TRIM15: variants seen among roughly 807,000 people sequenced by gnomAD.
TRIM15 encodes the protein E3 ubiquitin-protein ligase TRIM15.
A neutral mutation model predicts 35.8 loss-of-function variants in TRIM15; 35 were observed. That is an observed-to-expected ratio of 0.98 (90% CI 0.75 to 1.30). The LOEUF (loss-of-function observed/expected upper bound fraction) is 1.30, where lower values mean the gene tolerates loss of function less well. Ranked by LOEUF, TRIM15 falls within the 50% of genes most tolerant of loss-of-function variation. The probability of loss-of-function intolerance (pLI) is 0.00; values close to 1 mark genes in which losing one functional copy is unlikely to be tolerated. For missense variants in TRIM15, 590 were observed against 593.5 expected (o/e 0.99, Z 0.06); for synonymous variants, 252 against 249.8 (o/e 1.01, Z -0.08).
In TRIM15 at chr6:30,164,035, G is replaced by T. The variant is rs966882933; in HGVS notation, c.351G>T (p.Gly117=). Residue 117 remains glycine (G), a synonymous_variant, in exon 1 of 7, where the codon GGG becomes GGT. Transcript: ENST00000376694. ...EGPTHQAHTV[G]FLDEAIQPYR... ...CCACGCACCAGGCGCACACCGTGGGGTTCCTGGACGAGGCCATTCAGCCCT... is the reference window on the plus strand; with the variant it reads ...CCACGCACCAGGCGCACACCGTGGGTTTCCTGGACGAGGCCATTCAGCCCT... 2 of 1,612,814 alleles carry T rather than the reference G, an allele frequency of 1.2e-6. No individual in the cohort carries two copies. The highest frequency in any genetic ancestry group is 1.7e-6 in the Non-Finnish European group (2 of 1,179,842).
At chr6:30,164,191 T>G (rs946552379) in intron 1 of TRIM15, 126 bp downstream of exon 1, 6 of 1,349,582 alleles carry the variant, frequency 4.4e-6, no homozygotes, top group African/African-American at 1.5e-5. Flanking sequence ...TTACAGGGAC[T>G]TTCGAGGCAT....
At position 30,172,466 on chromosome 6, in the gene TRIM15, G is replaced by A; in HGVS notation, c.*117G>A. ...TGCCCGCGTGAGGCGAGAGAACAGG[G>A]GACTTGAGTCTCGAACAGCGGTTGT... On this transcript the variant is annotated 3_prime_UTR_variant, in exon 7 of 7. Transcript: ENST00000376694. 7.0e-7 allele frequency: 1 copy of A among 1,428,614 alleles called. No homozygotes were observed. The highest frequency in any genetic ancestry group is 1.4e-5 in the African/African-American group (1 of 70,130). The allele number at this position is 1,428,614 out of a possible 1,614,324, so 88.5% of individuals were successfully genotyped here.
At position 30,172,162 on chromosome 6, in the gene TRIM15, C is replaced by T; in HGVS notation, c.1211C>T (p.Thr404Ile). ...TGCTGGGCCAGCACCTCCCCGGGCA[C>T]CGACCTGCCGCTGAGCGAGATCCCG... is the stretch of plus-strand genomic sequence containing the variant. ...QQCWASTSPG[T>I]DLPLSEIPRG... Residue 404 changes from threonine (T) to isoleucine (I), a missense_variant, in exon 7 of 7, where the codon ACC becomes ATC. Transcript: ENST00000376694. The T allele has an allele frequency of 6.3e-7, 1 of 1,596,732 alleles. No individual in the cohort carries two copies. The highest frequency in any genetic ancestry group is 1.7e-4 in the Middle Eastern group (1 of 6,034).
intron 1 of TRIM15, 59 bp downstream of exon 1, chr6:30,164,124 G>A (rs972425353): frequency 1.3e-6 from 2 of 1,549,230 alleles, no homozygotes; most frequent in Middle Eastern, 1.8e-4. Context: ...CTGTTATGAG[G>A]GGAGGAAATC....
chr6:30,167,092 A>T (rs1421240401), intron 1 of TRIM15, 84 bp from the exon 2 acceptor site: 3 of 1,247,058 alleles, frequency 2.4e-6, no homozygotes, highest in Non-Finnish European at 3.5e-6. Flanking sequence ...AGCACTCAAC[A>T]GTGTGCCCAG....
chr6:30,168,546 C>T lies in TRIM15; in HGVS notation c.708+16C>T. On this transcript the variant is annotated intron_variant, in intron 3 of 6. Coordinates refer to ENST00000376694, the MANE Select transcript of TRIM15 (RefSeq NM_033229.3). ...GCTTCTACAAGTGAGAGACACTTCA[C>T]CACTTTGTAGGATAAGAGAGGGACT... 1.3e-6 allele frequency: 2 copies of T among 1,565,404 alleles called. No individual in the cohort carries two copies. Among genetic ancestry groups the T allele is most frequent in the Non-Finnish European group, 1.7e-6 (2 of 1,153,518 alleles).
In TRIM15 at chr6:30,163,571, T is replaced by TCTC; in HGVS notation, c.-114_-113insCTC. 4 of 1,313,096 alleles carry TCTC rather than the reference T, an allele frequency of 3.0e-6. No individual in the cohort carries two copies. Among genetic ancestry groups the TCTC allele is most frequent in the East Asian group, 2.4e-5 (1 of 41,116 alleles). 81.3% of individuals were successfully genotyped at this position (1,313,096 alleles called of 1,614,324 possible). On this transcript the variant is annotated 5_prime_UTR_variant, in exon 1 of 7. Transcript: ENST00000376694. ...CTCTCTCTTTCTCTCTCTCTGTCTC[T>TCTC]TAGCCTTGCAGCCGTTTCCCTCTGC... is the stretch of plus-strand genomic sequence containing the variant.
rs768131173 is a variant in TRIM15 at position 30,172,100 on chromosome 6, G to A, written c.1149G>A (p.Glu383=). ...RRKGEMGLSA[E]DGVWAVIISH... ...AGGGAGAGATGGGACTCAGCGCCGA[G>A]GACGGCGTCTGGGCCGTGATCATCT... The change falls in exon 7 of 7, where the codon GAG becomes GAA. Residue 383 remains glutamate (E), a synonymous_variant. Transcript: ENST00000376694. The A allele has an allele frequency of 6.3e-7, 1 of 1,578,020 alleles. No homozygotes were observed. Among genetic ancestry groups the A allele is most frequent in the Admixed American group, 1.8e-5 (1 of 54,286 alleles).
chr6:30,170,914 CT>C (rs1773968128), intron 5 of TRIM15, 61 bp from the exon 6 acceptor site: 4 of 1,574,152 alleles, frequency 2.5e-6, no homozygotes, highest in South Asian at 1.2e-5. Flanking sequence ...CACCTTGCCC[CT>C]GGGGGTGCCT....
At chr6:30,169,301 AC>A in intron 4 of TRIM15, 38 bp downstream of exon 4, 1 of 1,612,870 alleles carries the variant, frequency 6.2e-7, no homozygotes, top group African/African-American at 1.3e-5. Context: ...CTTTTACTCA[AC>A]ATCAAGACTG....
At chr6:30,164,346 G>T (rs935435542) in intron 1 of TRIM15, among the ~76,000 whole-genome samples, 3 of 152,162 alleles carry the variant, frequency 2.0e-5, no homozygotes, top group African/African-American at 7.2e-5. Flanking sequence ...TGGAAAGAAA[G>T]CTCCAATGCC....
rs1265120634 is a variant in TRIM15 at position 30,172,203 on chromosome 6, G to A, written c.1252G>A (p.Ala418Thr). Residue 418 changes from alanine to threonine, a missense_variant, in exon 7 of 7, where the codon GCC (alanine) becomes ACC (threonine). Transcript: ENST00000376694. ...LSEIPRGVRV[A>T]LDYEAGQVTL... ...CGAGATCCCGCGCGGCGTGAGAGTC[G>A]CCCTGGACTACGAGGCGGGGCAGGT... is the stretch of plus-strand genomic sequence containing the variant. 1.9e-6 allele frequency: 3 copies of A among 1,610,650 alleles called. No individual in the cohort carries two copies. The highest frequency in any genetic ancestry group is 2.5e-6 in the Non-Finnish European group (3 of 1,179,092).
At position 30,172,467 on chromosome 6, in the gene TRIM15, G is replaced by A; in HGVS notation, c.*118G>A. The A allele has an allele frequency of 7.1e-7, 1 of 1,416,322 alleles. No individual in the cohort carries two copies. The highest frequency in any genetic ancestry group is 9.6e-7 in the Non-Finnish European group (1 of 1,045,468). 87.7% of individuals were successfully genotyped at this position (1,416,322 alleles called of 1,614,324 possible). On this transcript the variant is annotated 3_prime_UTR_variant, in exon 7 of 7. Coordinates refer to ENST00000376694, the MANE Select transcript of TRIM15 (RefSeq NM_033229.3). ...GCCCGCGTGAGGCGAGAGAACAGGG[G>A]ACTTGAGTCTCGAACAGCGGTTGTT...
In TRIM15 at chr6:30,163,910, G is replaced by C; in HGVS notation, c.226G>C (p.Gly76Arg). The part of the protein sequence containing the change: ...AETPMAPVPL[G>R]PLGETYCEEH... ...GACTCCCATGGCCCCTGTGCCCCTG[G>C]GCCCGCTGGGAGAAACTTACTGCGA... The change falls in exon 1 of 7, where the codon GGC (glycine) becomes CGC (arginine). Residue 76 changes from glycine to arginine, a missense_variant. Gly to Arg is a moderately radical substitution (Grantham distance 125, BLOSUM62 -2). Transcript: ENST00000376694. 6.2e-7 allele frequency: 1 copy of C among 1,613,098 alleles called. No homozygotes were observed.
In TRIM15 at chr6:30,171,159, T is replaced by A. The variant is rs118105893; in HGVS notation, c.880+151T>A. On this transcript the variant is annotated intron_variant, in intron 6 of 6. Coordinates refer to ENST00000376694, the MANE Select transcript of TRIM15 (RefSeq NM_033229.3). Reference sequence around the variant, plus strand: ...TAGCTCTGAGACACTGGGCAAGTTATTAAGCCTCTGTCCCACAATATTTTC... The same window carrying A: ...TAGCTCTGAGACACTGGGCAAGTTAATAAGCCTCTGTCCCACAATATTTTC... 1,811 of 792,532 alleles carry A rather than the reference T, an allele frequency of 2.3e-3. 70 individuals carry two copies. The East Asian group carries it at 0.045, about 20-fold the overall frequency. 49.1% of individuals were successfully genotyped at this position (792,532 alleles called of 1,614,324 possible).
intron 3 of TRIM15, 141 bp from the exon 4 acceptor site, chr6:30,169,100 T>G (rs766787331): frequency 1.1e-5 from 10 of 946,946 alleles, no homozygotes; most frequent in African/African-American, 1.6e-5. Flanking sequence ...AAGAACAATC[T>G]AATGAGTAGG....
At chr6:30,170,377 C>A in intron 4 of TRIM15, 124 bp from the exon 5 acceptor site, 1 of 610,386 alleles carries the variant, frequency 1.6e-6, no homozygotes, top group Non-Finnish European at 2.9e-6. Flanking sequence ...AGAAATGATA[C>A]TCAATTTCAT....
intron 1 of TRIM15, among the ~76,000 whole-genome samples, chr6:30,164,863 A>C (rs538977704): frequency 6.6e-6 from 1 of 152,182 alleles, no homozygotes; most frequent in Non-Finnish European, 1.5e-5. Flanking sequence ...TTAGCAAGAC[A>C]TTCAAGGCCC....
In TRIM15 at chr6:30,163,880, G is replaced by T. The variant is rs560347970; in HGVS notation, c.196G>T (p.Ala66Ser). The change falls in exon 1 of 7, where the codon GCA becomes TCA. Residue 66 changes from alanine (A) to serine (S), a missense_variant. Transcript: ENST00000376694. Reference sequence around the variant, plus strand: ...CCCGCTCTGCCAAGAGGAGGAGCAGGCAGAGACTCCCATGGCCCCTGTGCC... The same window carrying T: ...CCCGCTCTGCCAAGAGGAGGAGCAGTCAGAGACTCCCATGGCCCCTGTGCC... ...LCPLCQEEEQ[A>S]ETPMAPVPLG... The T allele has an allele frequency of 6.2e-7, 1 of 1,613,062 alleles. No homozygotes were observed. The highest frequency in any genetic ancestry group is 2.2e-5 in the East Asian group (1 of 44,884).
Sources: allele counts gnomAD v4.1 joint callset (sites outside exome capture counted in the v4.1 genomes callset), GRCh38; gene constraint gnomAD v4.1.1; transcripts MANE v1.5; gene names NCBI Gene and HGNC (gene_info 2026-07-23, HGNC 2026-07-21).